The following SGCZ variants were observed in gnomAD, a reference collection of about 807,000 sequenced individuals.
SGCZ encodes sarcoglycan zeta, also known as zeta-sarcoglycan.
Under a neutral mutation model 41.3 loss-of-function variants are expected in SGCZ, and 40 were observed. The ratio of observed to expected loss-of-function variants is 0.97; its 90% CI spans 0.75 to 1.26. The LOEUF is 1.26. SGCZ is among the 50% of genes most tolerant of loss of function. SGCZ has a pLI of 0.00. For synonymous variants in SGCZ, 206 were observed against 137.5 expected, an observed-to-expected ratio of 1.50 and a Z score of -3.49; for missense variants, 552 against 369.8, an observed-to-expected ratio of 1.49 and a Z score of -4.04.
At chr8:14,125,420 C>T (rs1383048117) in intron 5 of SGCZ, among the ~76,000 whole-genome samples, 7 of 151,126 alleles carry the variant, frequency 4.6e-5, no homozygotes, top group African/African-American at 9.7e-5. Flanking sequence ...AGGAGAATGG[C>T]GTGAACCAGG....
In SGCZ at chr8:14,620,465, T is replaced by G. The variant is rs537530160; in HGVS notation, c.40-65539A>C. On this transcript the variant is annotated intron_variant, in intron 1 of 7. Coordinates refer to ENST00000382080, the MANE Select transcript of SGCZ (RefSeq NM_139167.4). Reference sequence around the variant, plus strand: ...GGATCTAATTAAACTAAAGAGCTTCTGCACAGCAAAAGAAACTACCATCAG... The same window carrying G: ...GGATCTAATTAAACTAAAGAGCTTCGGCACAGCAAAAGAAACTACCATCAG... 2.6e-5 allele frequency among the ~76,000 whole-genome samples: 4 copies of G among 152,144 alleles called. No individual in the cohort carries two copies. In the South Asian group the frequency reaches 8.3e-4, roughly 32 times the overall value.
chr8:14,194,625 TAG>T (rs1805208025), intron 4 of SGCZ, among the ~76,000 whole-genome samples: 2 of 151,950 alleles, frequency 1.3e-5, no homozygotes, highest in Non-Finnish European at 2.9e-5. Context: ...CTGGCCAATA[TAG>T]AGTTATGGGA....
chr8:14,923,617 G>A (rs893453588), intron 1 of SGCZ, among the ~76,000 whole-genome samples: 4 of 152,018 alleles, frequency 2.6e-5, no homozygotes. Context: ...ATAAGGTAAG[G>A]GAATTCAAAT....
intron 1 of SGCZ, among the ~76,000 whole-genome samples, chr8:15,224,172 A>C (rs774622122): frequency 4.4e-4 from 67 of 152,320 alleles, no homozygotes; most frequent in Non-Finnish European, 7.2e-4. Flanking sequence ...CTTCTTTAAA[A>C]AGACAGTATG....
At chr8:15,230,061 T>C (rs961032964) in intron 1 of SGCZ, among the ~76,000 whole-genome samples, 2 of 152,066 alleles carry the variant, frequency 1.3e-5, no homozygotes, top group African/African-American at 4.8e-5. Flanking sequence ...AACCGGAATG[T>C]GCATGAAGAG....
intron 1 of SGCZ, among the ~76,000 whole-genome samples, chr8:14,982,257 G>A (rs891120906): frequency 6.6e-6 from 1 of 152,068 alleles, no homozygotes; most frequent in African/African-American, 2.4e-5. Flanking sequence ...TTGTCTCAAG[G>A]GACTGAATGC....
intron 7 of SGCZ, among the ~76,000 whole-genome samples, chr8:14,099,900 T>G (rs1382702916): frequency 6.6e-6 from 1 of 152,166 alleles, no homozygotes; most frequent in Non-Finnish European, 1.5e-5. Flanking sequence ...ACTATGAATT[T>G]TCAGCAGTGC....
intron 2 of SGCZ, among the ~76,000 whole-genome samples, chr8:14,362,275 C>A (rs552718831): frequency 1.3e-5 from 2 of 152,302 alleles, no homozygotes; most frequent in South Asian, 2.1e-4. Context: ...ATATGCCCTG[C>A]CCCCGGAGGT....
chr8:14,270,280 C>T (rs1439597141), intron 3 of SGCZ, among the ~76,000 whole-genome samples: 3 of 151,754 alleles, frequency 2.0e-5, no homozygotes, highest in Non-Finnish European at 2.9e-5. Context: ...TGCAGTGAGC[C>T]GAGATCATGC....
At chr8:14,903,124 T>C (rs554093981) in intron 1 of SGCZ, among the ~76,000 whole-genome samples, 19 of 152,258 alleles carry the variant, frequency 1.2e-4, no homozygotes, top group African/African-American at 4.6e-4. Flanking sequence ...TAAGTTTAAT[T>C]AAGTCCTTCT....
At chr8:14,189,019 C>CTTT (rs60448346) in intron 4 of SGCZ, among the ~76,000 whole-genome samples, 18,746 of 142,340 alleles carry the variant, frequency 0.13, 1,498 homozygotes, top group African/African-American at 0.18. Context: ...CCACGCCCAG[C>CTTT]TTTTTTTTTT....
chr8:14,204,297 G>C (rs1332701780), intron 4 of SGCZ, among the ~76,000 whole-genome samples: 1 of 129,452 alleles, frequency 7.7e-6, no homozygotes, highest in East Asian at 2.3e-4. Flanking sequence ...TTTTTTTCTT[G>C]CTTTTGGCTA....
intron 1 of SGCZ, among the ~76,000 whole-genome samples, chr8:15,073,915 T>A (rs1805439085): frequency 6.6e-6 from 1 of 152,216 alleles, no homozygotes; most frequent in African/African-American, 2.4e-5. Flanking sequence ...ACAGCCTCTG[T>A]ATGTGCTTAT....
intron 1 of SGCZ, among the ~76,000 whole-genome samples, chr8:15,015,062 C>T (rs565357263): frequency 6.6e-5 from 10 of 151,824 alleles, no homozygotes; most frequent in South Asian, 2.1e-4. Context: ...GCAAACATGG[C>T]GAAACTCCAT....
chr8:14,654,357 T>C (rs917330285), intron 1 of SGCZ, among the ~76,000 whole-genome samples: 9 of 152,088 alleles, frequency 5.9e-5, no homozygotes, highest in African/African-American at 2.2e-4. Context: ...CTGCTCACTG[T>C]GCCTCATTTT....
chr8:15,181,872 G>A (rs1800190236), intron 1 of SGCZ, among the ~76,000 whole-genome samples: 1 of 152,126 alleles, frequency 6.6e-6, no homozygotes, highest in South Asian at 2.1e-4. Context: ...TATTTGGGGA[G>A]GTGAACTTTT....
chr8:14,138,530 G>T (rs1326748691), intron 5 of SGCZ, among the ~76,000 whole-genome samples: 1 of 151,578 alleles, frequency 6.6e-6, no homozygotes, highest in Non-Finnish European at 1.5e-5. Context: ...AAAAAAGGGG[G>T]GGTTGCATTT....
At chr8:14,854,768 T>C (rs1383965796) in intron 1 of SGCZ, among the ~76,000 whole-genome samples, 4 of 152,020 alleles carry the variant, frequency 2.6e-5, no homozygotes, top group Non-Finnish European at 5.9e-5. Flanking sequence ...TTTATTTTCA[T>C]AGAGAGGAAA....
At chr8:14,892,337 G>A (rs1805046664) in intron 1 of SGCZ, among the ~76,000 whole-genome samples, 3 of 152,054 alleles carry the variant, frequency 2.0e-5, no homozygotes, top group South Asian at 4.2e-4. Context: ...ACTCAAAAGC[G>A]TGATGCTCAT....
Sources: gnomAD v4.1 joint callset for allele counts (sites outside exome capture counted in the v4.1 genomes callset) on GRCh38, gnomAD v4.1.1 for gene constraint, MANE v1.5 for transcripts, NCBI Gene and HGNC (gene_info 2026-07-23, HGNC 2026-07-21) for gene names.